MGAT5B: variants seen among roughly 807,000 people sequenced by gnomAD.
MGAT5B encodes the protein alpha-1,6-mannosylglycoprotein 6-beta-N-acetylglucosaminyltransferase B.
In MGAT5B, 54 loss-of-function variants were observed where a neutral mutation model predicts 95.1. The ratio of observed to expected loss-of-function variants is 0.57; its 90% CI spans 0.46 to 0.71. The LOEUF (loss-of-function observed/expected upper bound fraction) is 0.71, where lower values mean the gene tolerates loss of function less well. MGAT5B is among the 30% of genes least tolerant of loss of function. MGAT5B has a pLI of 0.00. For missense variants in MGAT5B, 935 were observed against 1,088.6 expected (o/e 0.86, Z 1.99); for synonymous variants, 464 against 451.0 (o/e 1.03, Z -0.36).
intron 5 of MGAT5B, 115 bp downstream of exon 5, chr17:76,903,491 T>C (rs984678335): frequency 5.9e-6 from 4 of 673,464 alleles, no homozygotes; most frequent in Admixed American, 6.3e-5. Context: ...ACAGCTTCTC[T>C]GCTCAGTGCA....
Position 76,932,756 on chromosome 17 carries a change from A to G in MGAT5B, c.1403A>G (p.Lys468Arg), listed in dbSNP as rs759565274. ...KASNMAVVYG[K>R]EASIWKLQGK... is the part of the protein sequence containing the mutation. ...AGCAACATGGCCGTGGTGTACGGCA[A>G]GGAGGCGAGCATCTGGAAGGTGAGC... Residue 468 changes from lysine (K) to arginine (R), a missense_variant, in exon 11 of 18, where the codon AAG becomes AGG. By Grantham distance (26) the Lys-to-Arg change is conservative (BLOSUM62 2). Coordinates refer to ENST00000569840, the MANE Select transcript of MGAT5B (RefSeq NM_001199172.2). The G allele has an allele frequency of 1.2e-6, 2 of 1,613,702 alleles. No individual in the cohort carries two copies. Among genetic ancestry groups the G allele is most frequent in the South Asian group, 1.1e-5 (1 of 91,076 alleles).
chr17:76,897,495 C>G (rs941341967), intron 3 of MGAT5B, among the ~76,000 whole-genome samples: 5 of 152,100 alleles, frequency 3.3e-5, no homozygotes, highest in African/African-American at 4.8e-5. Flanking sequence ...CCCACAGATG[C>G]ATCACTCCGC....
rs956932668 is a variant in MGAT5B at position 76,930,752 on chromosome 17, A to C, written c.1292-1893A>C. ...GGACAAATAAGTCAAATGGCGAGGA[A>C]ATCCCGGGGCAATCCCTGCTGTAAC... is the stretch of plus-strand genomic sequence containing the variant. On this transcript the variant is annotated intron_variant, in intron 10 of 17. Coordinates refer to ENST00000569840, the MANE Select transcript of MGAT5B (RefSeq NM_001199172.2). This position sits in a 1 kb window ranked among gnomAD's most constrained non-coding sequence, Gnocchi z 4.1. 2.6e-5 allele frequency among the ~76,000 whole-genome samples: 4 copies of C among 152,164 alleles called. No homozygotes were observed. Among genetic ancestry groups the C allele is most frequent in the Admixed American group, 2.6e-4 (4 of 15,284 alleles).
intron 12 of MGAT5B, among the ~76,000 whole-genome samples, chr17:76,934,356 C>G (rs1344616133): frequency 6.6e-6 from 1 of 152,178 alleles, no homozygotes; most frequent in Non-Finnish European, 1.5e-5. Flanking sequence ...GATGTTCCAG[C>G]CTACATCAAT....
chr17:76,920,642 A>T (rs1234379785), intron 8 of MGAT5B, among the ~76,000 whole-genome samples: 2 of 152,038 alleles, frequency 1.3e-5, no homozygotes, highest in Admixed American at 6.6e-5. Flanking sequence ...CTTGTTTTCC[A>T]GGGCTGGGGA....
In MGAT5B at chr17:76,906,201, A is replaced by T. The variant is rs1249896960; in HGVS notation, c.1025+14A>T. On this transcript the variant is annotated intron_variant, in intron 8 of 17. Coordinates refer to ENST00000569840, the MANE Select transcript of MGAT5B (RefSeq NM_001199172.2). This position sits in a 1 kb window ranked among gnomAD's most constrained non-coding sequence, Gnocchi z 4.6. ...GGAGCTGCAGAGGTGAGTGCTGGGG[A>T]AAGCCACTGGCATTAAGTGGGGCAG... 1 of 1,586,134 alleles carries T rather than the reference A, an allele frequency of 6.3e-7. No individual in the cohort carries two copies. Among genetic ancestry groups the T allele is most frequent in the East Asian group, 2.4e-5 (1 of 41,862 alleles).
intron 3 of MGAT5B, among the ~76,000 whole-genome samples, chr17:76,898,378 G>T (rs1365466424): frequency 5.3e-5 from 8 of 150,208 alleles, no homozygotes; most frequent in Admixed American, 5.3e-4. Flanking sequence ...CACCAGGCTG[G>T]AGTGCAGTGA....
rs541424346 is a variant in MGAT5B, at chr17:76,936,547, T to C, written c.1429-1441T>C. Among the ~76,000 whole-genome samples the C allele has an allele frequency of 2.8e-4, 42 of 152,376 alleles. No homozygotes were observed. The South Asian group carries it at 8.7e-3, about 32-fold the overall frequency. Reference sequence around the variant, plus strand: ...CTAACCCAAGGTTACAAAGATTTCTTTCCTGTTTTTTTGTATAAGTTTTAT... The same window carrying C: ...CTAACCCAAGGTTACAAAGATTTCTCTCCTGTTTTTTTGTATAAGTTTTAT... On this transcript the variant is annotated intron_variant, in intron 12 of 17. Transcript: ENST00000569840.
chr17:76,912,822 G>A lies in MGAT5B; in HGVS notation c.1025+6635G>A, dbSNP rs1293537867. 1.3e-5 allele frequency among the ~76,000 whole-genome samples: 2 copies of A among 152,222 alleles called. No individual in the cohort carries two copies. The highest frequency in any genetic ancestry group is 2.9e-5 in the Non-Finnish European group (2 of 68,040). ...CGCGCCCCGCCGTGTGCGGAGGGAA[G>A]AAGCCAAACCCTAGTGCCTGCCCAG... On this transcript the variant is annotated intron_variant, in intron 8 of 17. Coordinates refer to ENST00000569840, the MANE Select transcript of MGAT5B (RefSeq NM_001199172.2). The surrounding 1 kb of genome is among the most constrained non-coding windows in gnomAD (Gnocchi z 5.0).
intron 2 of MGAT5B, among the ~76,000 whole-genome samples, chr17:76,879,014 T>G (rs9902821): frequency 1.3e-5 from 2 of 151,900 alleles, no homozygotes; most frequent in Non-Finnish European, 2.9e-5. Context: ...CCCCCTTGAC[T>G]GGGCCCATGC....
chr17:76,944,322 C>G (rs554970800), intron 15 of MGAT5B: 1 of 152,360 alleles, frequency 6.6e-6, no homozygotes, highest in East Asian at 1.9e-4. Context: ...CTTACAGACA[C>G]AGGAGCAAGA....
At chr17:76,887,257 C>T (rs1260438861) in intron 3 of MGAT5B, among the ~76,000 whole-genome samples, 1 of 152,030 alleles carries the variant, frequency 6.6e-6, no homozygotes, top group African/African-American at 2.4e-5. Context: ...GCCATTATTG[C>T]CATGGCTCGG....
In MGAT5B at chr17:76,870,639, G is replaced by C. The variant is rs1219888711; in HGVS notation, c.68+1542G>C. ...TCTTTCAGGCCCTTATCTGAAGGCA[G>C]GATTGGGGGTGGAGGTGCATGGGTC... On this transcript the variant is annotated intron_variant, in intron 1 of 17. Coordinates refer to ENST00000569840, the MANE Select transcript of MGAT5B (RefSeq NM_001199172.2). This position sits in a 1 kb window ranked among gnomAD's most constrained non-coding sequence, Gnocchi z 5.0. 6.6e-6 allele frequency among the ~76,000 whole-genome samples: 1 copy of C among 152,070 alleles called. No individual in the cohort carries two copies. Among genetic ancestry groups the C allele is most frequent in the East Asian group, 1.9e-4 (1 of 5,172 alleles).
intron 15 of MGAT5B, among the ~76,000 whole-genome samples, chr17:76,945,817 G>A (rs1599012067): frequency 1.3e-5 from 2 of 152,298 alleles, no homozygotes; most frequent in Non-Finnish European, 2.9e-5. Flanking sequence ...ACTGTGCCAG[G>A]CACTGGAGAT....
chr17:76,886,636 T>C (rs918522033), intron 3 of MGAT5B, among the ~76,000 whole-genome samples: 3 of 152,122 alleles, frequency 2.0e-5, no homozygotes, highest in Non-Finnish European at 2.9e-5. Flanking sequence ...CTGAGGTGGC[T>C]GAGCCCGAGG....
In MGAT5B at chr17:76,916,435, G is replaced by A. The variant is rs988888347; in HGVS notation, c.1026-8531G>A. Among the ~76,000 whole-genome samples, 5 of 152,222 alleles carry A rather than the reference G, an allele frequency of 3.3e-5. No homozygotes were observed. The highest frequency in any genetic ancestry group is 2.1e-4 in the South Asian group (1 of 4,832). Reference sequence around the variant, plus strand: ...GCAAGGGAAGACTCATGGAAATGACGTCGCTGGCCCTCATGAGAGATCCAT... The same window carrying A: ...GCAAGGGAAGACTCATGGAAATGACATCGCTGGCCCTCATGAGAGATCCAT... On this transcript the variant is annotated intron_variant, in intron 8 of 17. Transcript: ENST00000569840. This position sits in a 1 kb window ranked among gnomAD's most constrained non-coding sequence, Gnocchi z 5.3.
At chr17:76,879,267 T>TGCCA (rs1211045279) in intron 2 of MGAT5B, among the ~76,000 whole-genome samples, 2 of 151,950 alleles carry the variant, frequency 1.3e-5, no homozygotes, top group Non-Finnish European at 2.9e-5. Flanking sequence ...GCAGGCAGGG[T>TGCCA]GCCAGGCCTA....
chr17:76,911,167 CA>C (rs1968720422), intron 8 of MGAT5B, among the ~76,000 whole-genome samples: 1 of 152,164 alleles, frequency 6.6e-6, no homozygotes, highest in African/African-American at 2.4e-5. Flanking sequence ...GCCCAGGTAA[CA>C]AATTGAAGCT....
Position 76,949,082 on chromosome 17 carries a change from G to A in MGAT5B, c.*244G>A, listed in dbSNP as rs903563320. 2.6e-5 allele frequency: 15 copies of A among 572,256 alleles called. No homozygotes were observed. In the East Asian group the frequency reaches 3.8e-4, roughly 15 times the overall value. 35.4% of individuals were successfully genotyped at this position (572,256 alleles called of 1,614,324 possible). A position where few individuals can be genotyped will look rare whatever the true frequency, so the allele number is the denominator to read the frequency against. On this transcript the variant is annotated 3_prime_UTR_variant, in exon 18 of 18. Transcript: ENST00000569840. ...TCTCCTGGGGACTCACAGAAGCATC[G>A]TGGCCAAGCAGGTGTCGGACTGCTC...
Sources: allele counts gnomAD v4.1 joint callset (sites outside exome capture counted in the v4.1 genomes callset), GRCh38; gene constraint gnomAD v4.1.1; non-coding constraint Gnocchi (gnomAD v3.1); transcripts MANE v1.5; gene names NCBI Gene and HGNC (gene_info 2026-07-23, HGNC 2026-07-21).